Variants in ANKMY2 observed in about 807,000 individuals in gnomAD.
The protein encoded by ANKMY2 is ankyrin repeat and MYND domain containing 2, also known as ankyrin repeat and MYND domain-containing protein 2.
ANKMY2 carries 36 observed loss-of-function variants against 50.4 expected under a neutral mutation model. That is an observed-to-expected ratio of 0.71 (90% CI 0.55 to 0.94). The LOEUF (loss-of-function observed/expected upper bound fraction) is 0.94, where lower values mean the gene tolerates loss of function less well. ANKMY2 is among the 40% of genes least tolerant of loss of function. The pLI is 0.00. For missense variants in ANKMY2, 565 were observed against 524.0 expected, an observed-to-expected ratio of 1.08 and a Z score of -0.76; for synonymous variants, 187 against 178.8, an observed-to-expected ratio of 1.05 and a Z score of -0.36.
At chr7:16,622,708 C>A (rs982840824) in intron 4 of ANKMY2, among the ~76,000 whole-genome samples, 2 of 151,576 alleles carry the variant, frequency 1.3e-5, no homozygotes, top group African/African-American at 4.9e-5. Context: ...CCACTGCACT[C>A]CAGCCTGGGC....
intron 7 of ANKMY2, 93 bp downstream of exon 7, chr7:16,609,537 A>G: frequency 7.6e-7 from 1 of 1,321,514 alleles, no homozygotes; most frequent in Non-Finnish European, 9.9e-7. Flanking sequence ...TGAAATAATA[A>G]AAATAAATAT....
chr7:16,630,692 AG>A (rs1562465368), intron 2 of ANKMY2, among the ~76,000 whole-genome samples: 3 of 152,232 alleles, frequency 2.0e-5, no homozygotes, highest in Non-Finnish European at 4.4e-5. Flanking sequence ...CTTACAGTAC[AG>A]GTGACTAGAT....
intron 5 of ANKMY2, among the ~76,000 whole-genome samples, chr7:16,615,133 G>A (rs1010686689): frequency 6.6e-6 from 1 of 152,200 alleles, no homozygotes; most frequent in Non-Finnish European, 1.5e-5. Context: ...ATTACTGGAA[G>A]AACTATGTTA....
Position 16,615,762 on chromosome 7 carries a change from C to A in ANKMY2, c.513G>T (p.Thr171=). Residue 171 remains threonine (T), a synonymous_variant, in exon 5 of 10, where the codon ACG becomes ACT. Coordinates refer to ENST00000306999, the MANE Select transcript of ANKMY2 (RefSeq NM_020319.3). ...AGPLHKIITT[T]NLHPVKIVML... ...ACACTACCTTGACAGGATGAAGATT[C>A]GTTGTGGTGATAATTTTGTGCAGCG... The A allele has an allele frequency of 6.2e-7, 1 of 1,613,956 alleles. No individual in the cohort carries two copies. The highest frequency in any genetic ancestry group is 8.5e-7 in the Non-Finnish European group (1 of 1,179,960).
intron 2 of ANKMY2, among the ~76,000 whole-genome samples, chr7:16,635,764 T>C (rs1421259208): frequency 6.6e-6 from 1 of 152,206 alleles, no homozygotes; most frequent in Non-Finnish European, 1.5e-5. Flanking sequence ...TTAAAATTGA[T>C]ACATATTCCA....
intron 5 of ANKMY2, among the ~76,000 whole-genome samples, chr7:16,613,506 C>A (rs1228332621): frequency 1.3e-5 from 2 of 152,066 alleles, no homozygotes; most frequent in African/African-American, 4.8e-5. Context: ...AAAGCAAGGT[C>A]TGGTCTGGAG....
chr7:16,616,437 T>C (rs1424191599), intron 4 of ANKMY2, among the ~76,000 whole-genome samples: 5 of 149,156 alleles, frequency 3.4e-5, no homozygotes, highest in Non-Finnish European at 7.4e-5. Context: ...TTCGCTCCCA[T>C]AAGCTTGGAA....
chr7:16,633,298 G>A (rs534935375), intron 2 of ANKMY2, among the ~76,000 whole-genome samples: 3 of 150,368 alleles, frequency 2.0e-5, no homozygotes, highest in Admixed American at 1.3e-4. Flanking sequence ...ATGTTTATCT[G>A]CTTTTAAAAT....
intron 2 of ANKMY2, among the ~76,000 whole-genome samples, chr7:16,628,974 A>G (rs17382894): frequency 0.19 from 28,607 of 152,034 alleles, 3,047 homozygotes; most frequent in Middle Eastern, 0.27. Flanking sequence ...AACAGAATGT[A>G]ATAATCTGCT....
chr7:16,636,980 G>C (rs897724904), intron 1 of ANKMY2, among the ~76,000 whole-genome samples: 1 of 152,186 alleles, frequency 6.6e-6, no homozygotes, highest in Non-Finnish European at 1.5e-5. Flanking sequence ...AGTGCTCTAT[G>C]ATCAGTACTC....
chr7:16,644,417 T>C (rs1453614664), intron 1 of ANKMY2, among the ~76,000 whole-genome samples: 5 of 152,214 alleles, frequency 3.3e-5, no homozygotes, highest in Admixed American at 6.5e-5. Flanking sequence ...GAATTTTTTC[T>C]CCTTCGCATG....
At chr7:16,622,041 GAAGA>G (rs1383136017) in intron 4 of ANKMY2, among the ~76,000 whole-genome samples, 1 of 151,430 alleles carries the variant, frequency 6.6e-6, no homozygotes, top group Non-Finnish European at 1.5e-5. Flanking sequence ...AAAAGAAGAA[GAAGA>G]AAGAAGGAAG....
intron 5 of ANKMY2, among the ~76,000 whole-genome samples, chr7:16,613,774 C>G (rs1781295381): frequency 6.6e-6 from 1 of 151,302 alleles, no homozygotes; most frequent in South Asian, 2.1e-4. Context: ...CATCTCTACC[C>G]AAAATACAAA....
At chr7:16,641,535 G>A (rs965738466) in intron 1 of ANKMY2, among the ~76,000 whole-genome samples, 4 of 152,070 alleles carry the variant, frequency 2.6e-5, no homozygotes, top group Non-Finnish European at 5.9e-5. Flanking sequence ...ACTATAATTG[G>A]TTATAAGCAG....
chr7:16,627,969 T>C (rs867584959), intron 2 of ANKMY2, among the ~76,000 whole-genome samples: 49 of 152,302 alleles, frequency 3.2e-4, no homozygotes, highest in African/African-American at 1.2e-3. Flanking sequence ...TATGATTTGA[T>C]TATATGTGAT....
At chr7:16,613,787 T>C (rs1254691014) in intron 5 of ANKMY2, among the ~76,000 whole-genome samples, 1 of 151,728 alleles carries the variant, frequency 6.6e-6, no homozygotes, top group African/African-American at 2.4e-5. Context: ...AATACAAAAA[T>C]TAGCCAGGCG....
At chr7:16,643,380 T>C (rs1455039698) in intron 1 of ANKMY2, among the ~76,000 whole-genome samples, 1 of 152,214 alleles carries the variant, frequency 6.6e-6, no homozygotes, top group Non-Finnish European at 1.5e-5. Context: ...ACGTTGGCTA[T>C]GGTTGTTTTT....
At chr7:16,618,212 C>T (rs1781385532) in intron 4 of ANKMY2, among the ~76,000 whole-genome samples, 1 of 152,088 alleles carries the variant, frequency 6.6e-6, no homozygotes, top group African/African-American at 2.4e-5. Flanking sequence ...AGGCGTGAGC[C>T]ACCATGCCCA....
Position 16,610,731 on chromosome 7 carries a change from C to T in ANKMY2, c.564G>A (p.Leu188=). 1 of 1,613,886 alleles carries T rather than the reference C, an allele frequency of 6.2e-7. No homozygotes were observed. The highest frequency in any genetic ancestry group is 1.3e-5 in the African/African-American group (1 of 75,036). Residue 188 remains leucine (L), a synonymous_variant, in exon 6 of 10, where the codon CTG becomes CTA. Transcript: ENST00000306999. ...ATTTATTCAGGGCTGCTTCTTCTGT[C>T]AGCAGAGGATTCTCATTTACAAGCA... ...IVMLVNENPL[L]TEEAALNKCY... is the part of the protein sequence containing the mutation.
Sources: allele counts gnomAD v4.1 joint callset (sites outside exome capture counted in the v4.1 genomes callset), GRCh38; gene constraint gnomAD v4.1.1; transcripts MANE v1.5; gene names NCBI Gene and HGNC (gene_info 2026-07-23, HGNC 2026-07-21).